The following CTU2 variants were observed in gnomAD, a reference collection of about 807,000 sequenced individuals.
CTU2 encodes the protein cytosolic thiouridylase subunit 2, also known as cytoplasmic tRNA 2-thiolation protein 2.
A neutral mutation model predicts 64.1 loss-of-function variants in CTU2; 80 were observed. That is an observed-to-expected ratio of 1.25 (90% CI 1.04 to 1.50). The LOEUF is 1.50. Ranked by LOEUF, CTU2 falls within the 40% of genes most tolerant of loss-of-function variation. The pLI is 0.00. For synonymous variants in CTU2, 482 were observed against 285.3 expected (o/e 1.69, Z -6.95); for missense variants, 1,110 against 690.2 (o/e 1.61, Z -6.81).
Position 88,707,191 on chromosome 16 carries a change from G to A in CTU2, c.124G>A (p.Ala42Thr), listed in dbSNP as rs1339742213. 3 of 1,613,968 alleles carry A rather than the reference G, an allele frequency of 1.9e-6. No homozygotes were observed. Among genetic ancestry groups the A allele is most frequent in the African/African-American group, 1.3e-5 (1 of 75,068 alleles). ...KEAQPVVVIR[A>T]GDAFCRDCFK... ...AGCGCAGCCCGTTGTGGTGATACGA[G>A]CCGGAGATGCCTTCTGCAGGTGAGG... The change falls in exon 2 of 15, where the codon GCC becomes ACC. Residue 42 changes from alanine (A) to threonine (T), a missense_variant. Transcript: ENST00000453996.
At chr16:88,709,695 C>T (rs983187257) in intron 2 of CTU2, 26 of 537,276 alleles carry the variant, frequency 4.8e-5, no homozygotes, top group African/African-American at 2.7e-4. Context: ...ATGCAGCCTC[C>T]GTGGCTGTGC....
intron 3 of CTU2, 63 bp from the exon 4 acceptor site, chr16:88,710,160 C>G: frequency 6.3e-7 from 1 of 1,597,268 alleles, no homozygotes. Flanking sequence ...TAGATGTCCA[C>G]GAGGTGGGGT....
chr16:88,714,955 G>A lies in CTU2; in HGVS notation c.1419+29G>A, dbSNP rs779131292. Reference sequence around the variant, plus strand: ...AGTACGTGCCCACCTGTCCTGGGCCGGGCTTGGGGACGCGGGAAGGCCGTC... The same window carrying A: ...AGTACGTGCCCACCTGTCCTGGGCCAGGCTTGGGGACGCGGGAAGGCCGTC... On this transcript the variant is annotated intron_variant, in intron 13 of 14. Coordinates refer to ENST00000453996, the MANE Select transcript of CTU2 (RefSeq NM_001012759.3). The A allele has an allele frequency of 6.7e-5, 108 of 1,607,480 alleles. 1 individual carries two copies. Among genetic ancestry groups the A allele is most frequent in the East Asian group, 5.2e-4 (23 of 44,484 alleles).
chr16:88,711,539 A>G, intron 4 of CTU2, 96 bp from the exon 5 acceptor site: 7 of 1,252,808 alleles, frequency 5.6e-6, no homozygotes, highest in Non-Finnish European at 7.7e-6. Flanking sequence ...TTCACCTTCC[A>G]AGATGGCATT....
In CTU2 at chr16:88,715,170, C is replaced by A. The variant is rs777414861; in HGVS notation, c.1479-12C>A. On this transcript the variant is annotated splice_polypyrimidine_tract_variant and intron_variant, in intron 14 of 14. Transcript: ENST00000453996. ...GCCTCGGGGCTGGTGCCCACTGCAGCTTTCTCTCTAGGGCCTGGGGCTTGC... is the reference window on the plus strand; with the variant it reads ...GCCTCGGGGCTGGTGCCCACTGCAGATTTCTCTCTAGGGCCTGGGGCTTGC... 1.2e-6 allele frequency: 2 copies of A among 1,611,282 alleles called. No homozygotes were observed. Among genetic ancestry groups the A allele is most frequent in the Non-Finnish European group, 1.7e-6 (2 of 1,179,328 alleles).
At chr16:88,714,989 G>A (rs562557850) in intron 13 of CTU2, 59 bp from the exon 14 acceptor site, 2 of 1,598,554 alleles carry the variant, frequency 1.3e-6, no homozygotes, top group East Asian at 2.3e-5. Context: ...TCACCTCGTG[G>A]GTGGCTTGAG....
In CTU2 at chr16:88,714,869, C is replaced by A. The variant is rs1209520834; in HGVS notation, c.1362C>A (p.Pro454=). Residue 454 remains proline, a synonymous_variant, in exon 13 of 15, where the codon CCC becomes CCA. Coordinates refer to ENST00000453996, the MANE Select transcript of CTU2 (RefSeq NM_001012759.3). ...AGCTCTGCTCCCGCAGGGAGGACCC[C>A]CAAGCCTGCATTGAGGAGCAGCTGT... ...CGQGACRRED[P]QACIEEQLCY... 6.2e-7 allele frequency: 1 copy of A among 1,612,658 alleles called. No homozygotes were observed. Among genetic ancestry groups the A allele is most frequent in the African/African-American group, 1.3e-5 (1 of 75,050 alleles).
intron 9 of CTU2, 43 bp downstream of exon 9, chr16:88,713,821 G>T (rs2340975): frequency 2.5e-6 from 4 of 1,609,178 alleles, no homozygotes; most frequent in East Asian, 2.2e-5. Context: ...CATTGACACC[G>T]GGGTGGGCCA....
intron 4 of CTU2, chr16:88,710,645 C>T (rs1450621423): frequency 4.0e-6 from 1 of 252,636 alleles, no homozygotes; most frequent in Non-Finnish European, 7.7e-6. Context: ...AGCAGGTGCA[C>T]CAATCAGAAG....
chr16:88,714,318 G>C, intron 10 of CTU2, 65 bp from the exon 11 acceptor site: 1 of 1,602,502 alleles, frequency 6.2e-7, no homozygotes, highest in South Asian at 1.1e-5. Context: ...TCGTGCTCAG[G>C]CCAGGGCTTA....
At chr16:88,712,546 C>A in intron 6 of CTU2, 76 bp from the exon 7 acceptor site, 1 of 1,550,916 alleles carries the variant, frequency 6.4e-7, no homozygotes, top group Non-Finnish European at 8.7e-7. Flanking sequence ...TCTCCCGCAT[C>A]CCGGAAGGTG....
chr16:88,712,017 G>T (rs1444710137), intron 5 of CTU2: 3 of 304,690 alleles, frequency 9.8e-6, no homozygotes, highest in Non-Finnish European at 1.9e-5. Flanking sequence ...TGCTGATGGT[G>T]AGCGGGGGCC....
At chr16:88,710,740 C>A (rs973859962) in intron 4 of CTU2, 3 of 172,000 alleles carry the variant, frequency 1.7e-5, no homozygotes, top group African/African-American at 7.2e-5. Flanking sequence ...TGGAAAGCTG[C>A]ATCTTGGCTC....
rs189839353 is a variant in CTU2, at chr16:88,707,176, G to A, written c.109G>A (p.Val37Ile). 6 of 1,613,950 alleles carry A rather than the reference G, an allele frequency of 3.7e-6. No homozygotes were observed. The highest frequency in any genetic ancestry group is 1.7e-6 in the Non-Finnish European group (2 of 1,179,976). ...KCVKCKEAQP[V>I]VVIRAGDAFC... is the part of the protein sequence containing the mutation. The stretch of plus-strand genomic sequence containing the variant: ...TGTGAAGTGCAAGGAAGCGCAGCCC[G>A]TTGTGGTGATACGAGCCGGAGATGC... The change falls in exon 2 of 15, where the codon GTT becomes ATT. Residue 37 changes from valine to isoleucine, a missense_variant. Coordinates refer to ENST00000453996, the MANE Select transcript of CTU2 (RefSeq NM_001012759.3).
rs977968887 is a variant in CTU2, at chr16:88,714,910, T to G, written c.1403T>G (p.Val468Gly). 1 of 1,612,462 alleles carries G rather than the reference T, an allele frequency of 6.2e-7. No homozygotes were observed. Among genetic ancestry groups the G allele is most frequent in the Admixed American group, 1.7e-5 (1 of 59,996 alleles). The change falls in exon 13 of 15, where the codon GTG becomes GGG. Residue 468 changes from valine to glycine, a missense_variant. By Grantham distance (109) the Val-to-Gly change is moderately radical (BLOSUM62 -3). Coordinates refer to ENST00000453996, the MANE Select transcript of CTU2 (RefSeq NM_001012759.3). ...GAGCAGCTGTGCTACAGCTGCCGCGTGAACATGAAGGACTTGGTGAGTACG... is the reference window on the plus strand; with the variant it reads ...GAGCAGCTGTGCTACAGCTGCCGCGGGAACATGAAGGACTTGGTGAGTACG... The part of the protein sequence containing the change: ...IEEQLCYSCR[V>G]NMKDLPSLDP...
chr16:88,709,960 G>C lies in CTU2; in HGVS notation c.166G>C (p.Val56Leu). The C allele has an allele frequency of 2.5e-6, 4 of 1,613,966 alleles. No individual in the cohort carries two copies. The highest frequency in any genetic ancestry group is 3.4e-6 in the Non-Finnish European group (4 of 1,179,998). ...CAGGGACTGTTTCAAGGCCTTCTAC[G>C]TCCACAAGTTCAGAGCCATGCTGGG... ...FCRDCFKAFY[V>L]HKFRAMLGKN... The change falls in exon 3 of 15, where the codon GTC becomes CTC. Residue 56 changes from valine (V) to leucine (L), a missense_variant. Transcript: ENST00000453996.
rs1567651117 is a variant in CTU2, at chr16:88,713,698, G to GA, written c.926dup (p.Asp309GlufsTer30). On this transcript the variant is annotated frameshift_variant, in exon 9 of 15. Coordinates refer to ENST00000453996, the MANE Select transcript of CTU2 (RefSeq NM_001012759.3). LOFTEE classifies it high-confidence loss of function. ...CGTGGTGGTGGTGCGGCCCATGCGGGACCACACCCTGAAGGAGGTCGCTTT... is the reference window on the plus strand; with the variant it reads ...CGTGGTGGTGGTGCGGCCCATGCGGGAACCACACCCTGAAGGAGGTCGCTTT... 1 of 1,612,630 alleles carries GA rather than the reference G, an allele frequency of 6.2e-7. No individual in the cohort carries two copies. The highest frequency in any genetic ancestry group is 1.1e-5 in the South Asian group (1 of 91,062).
rs1911878560 is a variant in CTU2, at chr16:88,715,222, GAC to G, written c.1521_1522del (p.Asp507GlufsTer2). The G allele has an allele frequency of 6.2e-7, 1 of 1,612,316 alleles. No individual in the cohort carries two copies. Among genetic ancestry groups the G allele is most frequent in the African/African-American group, 1.3e-5 (1 of 75,052 alleles). ...GGAGATCCGGGACTGTCTGATTGAGGACAGTGACGACGAGGCGGGCCAGAGCT... is the reference window on the plus strand; with the variant it reads ...GGAGATCCGGGACTGTCTGATTGAGGAGTGACGACGAGGCGGGCCAGAGCT... ...LQEIRDCLIE[D>X]SDDEAGQS On this transcript the variant is annotated frameshift_variant, in exon 15 of 15. Transcript: ENST00000453996. LOFTEE classifies it low-confidence loss of function (END_TRUNC).
rs776535158 is a variant in CTU2 at position 88,714,570 on chromosome 16, C to T, written c.1202-17C>T. The T allele has an allele frequency of 3.7e-6, 6 of 1,612,630 alleles. No individual in the cohort carries two copies. The highest frequency in any genetic ancestry group is 1.7e-4 in the Middle Eastern group (1 of 6,060). Reference sequence around the variant, plus strand: ...GCTCAGCAGCCCCAGGCTCCGTCACCCCCTCTCTGCTTGCAGACAGTGCCA... The same window carrying T: ...GCTCAGCAGCCCCAGGCTCCGTCACTCCCTCTCTGCTTGCAGACAGTGCCA... On this transcript the variant is annotated splice_polypyrimidine_tract_variant and intron_variant, in intron 11 of 14. Transcript: ENST00000453996.
Sources: allele counts gnomAD v4.1 joint callset, GRCh38; gene constraint gnomAD v4.1.1; transcripts MANE v1.5; gene names NCBI Gene and HGNC (gene_info 2026-07-23, HGNC 2026-07-21).